Variants in IBTK observed in about 807,000 individuals in gnomAD.
IBTK encodes the protein inhibitor of Bruton tyrosine kinase.
A neutral mutation model predicts 154.9 loss-of-function variants in IBTK; 83 were observed. That is an observed-to-expected ratio of 0.54 (90% CI 0.45 to 0.64). The LOEUF (loss-of-function observed/expected upper bound fraction) is 0.64, where lower values mean the gene tolerates loss of function less well. Among genes scored for constraint, IBTK ranks in the 30% least tolerant of loss-of-function variants. IBTK has a pLI of 0.00. For missense variants in IBTK, 1,332 were observed against 1,584.6 expected, an observed-to-expected ratio of 0.84 and a Z score of 2.71; for synonymous variants, 515 against 536.1, an observed-to-expected ratio of 0.96 and a Z score of 0.54.
At chr6:82,230,246 T>G (rs910245051) in intron 4 of IBTK, among the ~76,000 whole-genome samples, 1 of 152,170 alleles carries the variant, frequency 6.6e-6, no homozygotes, top group Non-Finnish European at 1.5e-5. Flanking sequence ...CACTCCAAGC[T>G]CATATTCTGG....
chr6:82,203,051 T>C (rs1769268811), intron 17 of IBTK, among the ~76,000 whole-genome samples: 1 of 151,936 alleles, frequency 6.6e-6, no homozygotes, highest in African/African-American at 2.4e-5. Flanking sequence ...CTAAAAAAGA[T>C]ATAAAACTAA....
At chr6:82,202,478 T>C in intron 18 of IBTK, 50 bp downstream of exon 18, 1 of 944,318 alleles carries the variant, frequency 1.1e-6, no homozygotes, top group South Asian at 1.4e-5. Context: ...TGCTATTATA[T>C]ATAAATATCT....
Position 82,218,075 on chromosome 6 carries a change from C to T in IBTK, c.1311G>A (p.Gln437=), listed in dbSNP as rs748865644. Reference sequence around the variant, plus strand: ...TTAAAGCAATATCAGAAATGAAGACCTGACGTGGATAGGCCCATCGACACT... The same window carrying T: ...TTAAAGCAATATCAGAAATGAAGACTTGACGTGGATAGGCCCATCGACACT... ...LKQCRWAYPR[Q]VFISDIALNR... is the part of the protein sequence containing the mutation. Residue 437 remains glutamine (Q), a synonymous_variant, in exon 10 of 29, where the codon CAG becomes CAA. Transcript: ENST00000306270. 2 of 1,612,086 alleles carry T rather than the reference C, an allele frequency of 1.2e-6. No individual in the cohort carries two copies. The highest frequency in any genetic ancestry group is 2.7e-5 in the African/African-American group (2 of 74,784).
intron 10 of IBTK, among the ~76,000 whole-genome samples, chr6:82,217,193 T>C (rs1769904520): frequency 6.6e-6 from 1 of 152,166 alleles, no homozygotes; most frequent in Admixed American, 6.5e-5. Flanking sequence ...AGTTAGAGCA[T>C]GAAATCATGA....
At chr6:82,209,056 A>C (rs1311646805) in intron 16 of IBTK, among the ~76,000 whole-genome samples, 1 of 152,202 alleles carries the variant, frequency 6.6e-6, no homozygotes. Context: ...ACCCGTTAGG[A>C]TGGCTATAAT....
At chr6:82,182,058 A>T (rs1768342597) in intron 25 of IBTK, 30 bp from the exon 26 acceptor site, 3 of 1,576,740 alleles carry the variant, frequency 1.9e-6, no homozygotes, top group Non-Finnish European at 2.6e-6. Flanking sequence ...TCATGTTAAA[A>T]CATCCATTTT....
In IBTK at chr6:82,191,769, G is replaced by A; in HGVS notation, c.3431+18C>T. On this transcript the variant is annotated intron_variant, in intron 24 of 28. Transcript: ENST00000306270. ...GAAATACAACATGAAATGATCTTTTGTAATGTTTTCAACCCACCCTAAATG... is the reference window on the plus strand; with the variant it reads ...GAAATACAACATGAAATGATCTTTTATAATGTTTTCAACCCACCCTAAATG... 7.2e-7 allele frequency: 1 copy of A among 1,393,794 alleles called. No individual in the cohort carries two copies. Among genetic ancestry groups the A allele is most frequent in the Non-Finnish European group, 1.0e-6 (1 of 980,532 alleles). The allele number at this position is 1,393,794 out of a possible 1,614,324, so 86.3% of individuals were successfully genotyped here.
intron 26 of IBTK, among the ~76,000 whole-genome samples, chr6:82,179,073 A>G (rs1325302216): frequency 6.6e-6 from 1 of 152,274 alleles, no homozygotes; most frequent in African/African-American, 2.4e-5. Context: ...AAGACCAGTC[A>G]GGAGGGTAAC....
intron 25 of IBTK, among the ~76,000 whole-genome samples, chr6:82,184,184 T>G (rs1324380393): frequency 6.6e-6 from 1 of 152,224 alleles, no homozygotes; most frequent in East Asian, 1.9e-4. Context: ...CCCACAATTT[T>G]ATTTTCCTAA....
At chr6:82,203,236 A>G (rs1027298452) in intron 17 of IBTK, among the ~76,000 whole-genome samples, 1 of 152,108 alleles carries the variant, frequency 6.6e-6, no homozygotes, top group Non-Finnish European at 1.5e-5. Context: ...TGTGCAAAAG[A>G]TTCTGGATTT....
Position 82,214,306 on chromosome 6 carries a change from T to C in IBTK, c.2125A>G (p.Lys709Glu). ...ACAGGATCATCTTCCCTAATATTTT[T>C]TCCTTTTTTACAAGATTTAGGTTTG... ...KSKPKSCKKG[K>E]NIREDDPVRM... The change falls in exon 12 of 29, where the codon AAA becomes GAA. Residue 709 changes from lysine to glutamate, a missense_variant. Lys to Glu is a moderately conservative substitution (Grantham distance 56). Transcript: ENST00000306270. The C allele has an allele frequency of 6.2e-7, 1 of 1,613,928 alleles. No individual in the cohort carries two copies. The highest frequency in any genetic ancestry group is 8.5e-7 in the Non-Finnish European group (1 of 1,179,928).
At chr6:82,188,959 G>A (rs1768655850) in intron 25 of IBTK, 4 of 405,656 alleles carry the variant, frequency 9.9e-6, no homozygotes, top group South Asian at 3.6e-5. Context: ...GAACCTAGGA[G>A]GCGGAGGTTG....
chr6:82,241,779 C>G (rs559522191), intron 1 of IBTK, among the ~76,000 whole-genome samples: 48 of 152,246 alleles, frequency 3.2e-4, no homozygotes, highest in African/African-American at 1.0e-3. Flanking sequence ...TCTTTTAGAT[C>G]TTCCTTAATG....
intron 4 of IBTK, among the ~76,000 whole-genome samples, chr6:82,229,767 C>T (rs901329729): frequency 2.0e-5 from 3 of 152,142 alleles, no homozygotes; most frequent in African/African-American, 7.2e-5. Flanking sequence ...CCTAAGTTCC[C>T]TCCACATCTA....
chr6:82,234,220 G>A lies in IBTK; in HGVS notation c.357C>T (p.Gly119=), dbSNP rs780101442. 1 of 1,602,546 alleles carries A rather than the reference G, an allele frequency of 6.2e-7. No individual in the cohort carries two copies. The highest frequency in any genetic ancestry group is 8.5e-7 in the Non-Finnish European group (1 of 1,172,250). The change falls in exon 3 of 29, where the codon GGC becomes GGT. Residue 119 remains glycine, a synonymous_variant. Transcript: ENST00000306270. ...GVSLYIQDKE[G]LSALDLVMKD... is the part of the protein sequence containing the mutation. ...TCATTACAAGATCCAAAGCTGACAA[G>A]CCTTCTTTATCTTGAATATACAGAC...
intron 16 of IBTK, chr6:82,206,026 A>T (rs921440833): frequency 2.6e-5 from 4 of 152,348 alleles, no homozygotes; most frequent in African/African-American, 9.6e-5. Flanking sequence ...ACTGTGGAAA[A>T]TTGTCATAAT....
At chr6:82,184,793 T>G (rs1554182566) in intron 25 of IBTK, among the ~76,000 whole-genome samples, 1 of 152,196 alleles carries the variant, frequency 6.6e-6, no homozygotes, top group Non-Finnish European at 1.5e-5. Context: ...AACCTTAATA[T>G]TAATGTAAAC....
At chr6:82,226,400 G>A (rs1321621) in intron 5 of IBTK, among the ~76,000 whole-genome samples, 24 of 151,964 alleles carry the variant, frequency 1.6e-4, no homozygotes, top group South Asian at 2.1e-4. Context: ...TTAAAATAAC[G>A]TAGTGAACCA....
chr6:82,185,184 G>GAAAAAAAA (rs1196015823), intron 25 of IBTK, among the ~76,000 whole-genome samples: 8 of 37,798 alleles, frequency 2.1e-4, no homozygotes, highest in East Asian at 8.9e-4. Flanking sequence ...CTCTGTCTCA[G>GAAAAAAAA]AAAAAAAAAA....
Sources: gnomAD v4.1 joint callset for allele counts (sites outside exome capture counted in the v4.1 genomes callset) on GRCh38, gnomAD v4.1.1 for gene constraint, MANE v1.5 for transcripts, NCBI Gene and HGNC (gene_info 2026-07-23, HGNC 2026-07-21) for gene names.